DGKB: variants seen among roughly 807,000 people sequenced by gnomAD.
The protein encoded by DGKB is diacylglycerol kinase beta.
Under a neutral mutation model 114.3 loss-of-function variants are expected in DGKB, and 67 were observed. That is an observed-to-expected ratio of 0.59 (90% CI 0.48 to 0.72). The LOEUF (loss-of-function observed/expected upper bound fraction) is 0.72, where lower values mean the gene tolerates loss of function less well. DGKB is among the 30% of genes least tolerant of loss of function. DGKB has a pLI of 0.00. For missense variants in DGKB, 907 were observed against 975.2 expected, an observed-to-expected ratio of 0.93 and a Z score of 0.93; for synonymous variants, 398 against 323.1, an observed-to-expected ratio of 1.23 and a Z score of -2.49.
chr7:14,740,774 G>C (rs753724531), intron 4 of DGKB, among the ~76,000 whole-genome samples: 1 of 152,046 alleles, frequency 6.6e-6, no homozygotes, highest in Non-Finnish European at 1.5e-5. Context: ...GAGTGCACGG[G>C]GAAGTGCGGA....
At chr7:14,606,091 A>C (rs1804454614) in intron 17 of DGKB, among the ~76,000 whole-genome samples, 1 of 152,126 alleles carries the variant, frequency 6.6e-6, no homozygotes, top group East Asian at 1.9e-4. Flanking sequence ...TGAATGCACA[A>C]TATCCTAATT....
chr7:14,933,203 CT>C (rs376787484), intron 1 of DGKB, among the ~76,000 whole-genome samples: 31 of 152,308 alleles, frequency 2.0e-4, no homozygotes, highest in African/African-American at 7.5e-4. Context: ...TAATCTACTA[CT>C]AAAACATCAC....
At position 14,149,097 on chromosome 7, in the gene DGKB, C is replaced by CTAAT; in HGVS notation, c.*30_*33dup. 2 of 1,565,128 alleles carry CTAAT rather than the reference C, an allele frequency of 1.3e-6. No individual in the cohort carries two copies. Among genetic ancestry groups the CTAAT allele is most frequent in the Non-Finnish European group, 8.8e-7 (1 of 1,135,772 alleles). ...ATATGTGTTCCATGGCCCAATTATG[C>CTAAT]TAATTCAATTTCTAAGAGTGAAACA... is the stretch of plus-strand genomic sequence containing the variant. On this transcript the variant is annotated 3_prime_UTR_variant, in exon 26 of 26. Coordinates refer to ENST00000402815, the MANE Select transcript of DGKB (RefSeq NM_001350709.2).
intron 25 of DGKB, among the ~76,000 whole-genome samples, chr7:14,170,177 GAAAGAAAGAAAGAAAGAAA>G: frequency 6.8e-6 from 1 of 146,136 alleles, no homozygotes; most frequent in African/African-American, 2.5e-5. Context: ...AAGAAAGAAA[GAAAGAAAGAAAGAAAGAAA>G]GAAAGAAATA....
intron 23 of DGKB, among the ~76,000 whole-genome samples, chr7:14,329,573 T>G (rs1019462715): frequency 5.3e-5 from 8 of 151,998 alleles, no homozygotes; most frequent in African/African-American, 9.7e-5. Flanking sequence ...ATTTCATGTC[T>G]TTTTAATAGT....
intron 1 of DGKB, among the ~76,000 whole-genome samples, chr7:14,947,213 T>C (rs1785933986): frequency 6.6e-6 from 1 of 151,702 alleles, no homozygotes; most frequent in Non-Finnish European, 1.5e-5. Context: ...TGTTTAAACC[T>C]AAAAAGTATA....
At chr7:14,803,790 A>G (rs1586622355) in intron 2 of DGKB, among the ~76,000 whole-genome samples, 1 of 152,088 alleles carries the variant, frequency 6.6e-6, no homozygotes, top group Admixed American at 6.6e-5. Flanking sequence ...AAAACTGTGT[A>G]TACCATTTTT....
At chr7:14,967,796 T>C (rs1400202591) in intron 1 of DGKB, among the ~76,000 whole-genome samples, 1 of 152,020 alleles carries the variant, frequency 6.6e-6, no homozygotes, top group African/African-American at 2.4e-5. Flanking sequence ...TTGTTTAAAA[T>C]GCTAAAAGTA....
intron 13 of DGKB, among the ~76,000 whole-genome samples, chr7:14,661,145 C>G (rs889508274): frequency 6.6e-6 from 1 of 152,026 alleles, no homozygotes; most frequent in Admixed American, 6.6e-5. Flanking sequence ...TAGGCATGGG[C>G]AAGGACTTCG....
intron 21 of DGKB, among the ~76,000 whole-genome samples, chr7:14,446,565 C>T (rs565486629): frequency 1.3e-5 from 2 of 152,260 alleles, no homozygotes; most frequent in South Asian, 2.1e-4. Context: ...CTTATGATCA[C>T]ATTTTTGAAT....
At chr7:14,795,954 A>G (rs1586570455) in intron 2 of DGKB, among the ~76,000 whole-genome samples, 1 of 152,268 alleles carries the variant, frequency 6.6e-6, no homozygotes, top group East Asian at 1.9e-4. Context: ...TCTTAACAGG[A>G]TCTAATTTGA....
In DGKB at chr7:14,419,193, C is replaced by A. The variant is rs189779563; in HGVS notation, c.1835+58968G>T. Among the ~76,000 whole-genome samples, 373 of 151,778 alleles carry A rather than the reference C, an allele frequency of 2.5e-3. 3 individuals are homozygous for A. Among genetic ancestry groups the A allele is most frequent in the Admixed American group, 7.8e-3 (118 of 15,204 alleles). ...TGTAATTACGTATGAAGAAAATAAA[C>A]CTCTGCAAAATTATCTATACTATGG... On this transcript the variant is annotated intron_variant, in intron 21 of 25. Transcript: ENST00000402815.
At chr7:14,434,309 T>A (rs1418335835) in intron 21 of DGKB, among the ~76,000 whole-genome samples, 1 of 152,120 alleles carries the variant, frequency 6.6e-6, no homozygotes, top group Non-Finnish European at 1.5e-5. Flanking sequence ...TGTTTCCCTA[T>A]ATAGTAAAGT....
At chr7:14,214,397 A>G (rs1788624291) in intron 23 of DGKB, among the ~76,000 whole-genome samples, 1 of 152,120 alleles carries the variant, frequency 6.6e-6, no homozygotes, top group Admixed American at 6.6e-5. Context: ...ATGTTTTTTA[A>G]CAAAGAAAAA....
rs140920099 is a variant in DGKB at position 14,722,710 on chromosome 7, G to A, written c.323-4025C>T. Among the ~76,000 whole-genome samples the A allele has an allele frequency of 8.9e-3, 1,342 of 150,688 alleles. 14 individuals are homozygous for A. Among genetic ancestry groups the A allele is most frequent in the African/African-American group, 0.032 (1,281 of 40,064 alleles). Reference sequence around the variant, plus strand: ...GCTTGTAGTCCCAGATACTTGGGAGGTTGAGGCAGGAGAATCGCTGGAACC... The same window carrying A: ...GCTTGTAGTCCCAGATACTTGGGAGATTGAGGCAGGAGAATCGCTGGAACC... On this transcript the variant is annotated intron_variant, in intron 5 of 25. Coordinates refer to ENST00000402815, the MANE Select transcript of DGKB (RefSeq NM_001350709.2).
intron 4 of DGKB, 88 bp downstream of exon 4, chr7:14,753,840 T>C: frequency 1.2e-6 from 1 of 840,582 alleles, no homozygotes. Context: ...TACAGAAGTA[T>C]AGTTCAGTGA....
At chr7:14,880,417 C>A (rs1854048171) in intron 1 of DGKB, among the ~76,000 whole-genome samples, 2 of 152,106 alleles carry the variant, frequency 1.3e-5, no homozygotes, top group South Asian at 4.2e-4. Context: ...AAGACCGTGC[C>A]ATTGCACTCC....
intron 6 of DGKB, 64 bp downstream of exon 6, chr7:14,718,478 T>G (rs1180317762): frequency 4.9e-6 from 7 of 1,440,524 alleles, no homozygotes; most frequent in Non-Finnish European, 6.5e-6. Flanking sequence ...TTTAAGTTAA[T>G]CAATATCCAG....
In DGKB at chr7:14,168,856, G is replaced by T. The variant is rs749101873; in HGVS notation, c.2304+7983C>A. On this transcript the variant is annotated intron_variant, in intron 25 of 25. Coordinates refer to ENST00000402815, the MANE Select transcript of DGKB (RefSeq NM_001350709.2). ...GTTAAAAAGGCTTCATGAGGAAATT[G>T]CTTCTAAGCTTGGCATTGAAGGAAG... 2.6e-5 allele frequency among the ~76,000 whole-genome samples: 4 copies of T among 152,294 alleles called. No homozygotes were observed. The South Asian group carries it at 8.3e-4, about 32-fold the overall frequency.
Sources: gnomAD v4.1 joint callset for allele counts (sites outside exome capture counted in the v4.1 genomes callset) on GRCh38, gnomAD v4.1.1 for gene constraint, MANE v1.5 for transcripts, NCBI Gene and HGNC (gene_info 2026-07-23, HGNC 2026-07-21) for gene names.